Variants in PLCL2 observed in about 807,000 individuals in gnomAD.
PLCL2 encodes inactive phospholipase C-like protein 2.
A neutral mutation model predicts 79.6 loss-of-function variants in PLCL2; 4 were observed. The observed-to-expected ratio is 0.05, with a 90% CI of 0.02 to 0.11. The LOEUF is 0.11. Ranked by LOEUF, PLCL2 falls within the 10% of genes least tolerant of loss-of-function variation. The pLI is 1.00. For synonymous variants in PLCL2, 484 were observed against 457.7 expected (o/e 1.06, Z -0.73); for missense variants, 895 against 1,291.0 (o/e 0.69, Z 4.70).
At chr3:16,979,892 C>T (rs1250582296) in intron 1 of PLCL2, among the ~76,000 whole-genome samples, 3 of 150,826 alleles carry the variant, frequency 2.0e-5, no homozygotes, top group Non-Finnish European at 4.4e-5. Flanking sequence ...CAGAGGGGCT[C>T]CTCACTTCCC....
chr3:16,908,343 A>G (rs1696796208), intron 1 of PLCL2, among the ~76,000 whole-genome samples: 1 of 152,204 alleles, frequency 6.6e-6, no homozygotes, highest in African/African-American at 2.4e-5. Context: ...ATTCCTCAAT[A>G]TCATCAACTA....
intron 1 of PLCL2, among the ~76,000 whole-genome samples, chr3:16,986,269 C>T (rs2064049374): frequency 6.6e-6 from 1 of 152,130 alleles, no homozygotes; most frequent in Non-Finnish European, 1.5e-5. Context: ...GTTGGGTTCA[C>T]ACAAGGTAAT....
chr3:16,990,523 T>C (rs949247360), intron 1 of PLCL2, among the ~76,000 whole-genome samples: 1 of 152,228 alleles, frequency 6.6e-6, no homozygotes, highest in Non-Finnish European at 1.5e-5. Flanking sequence ...GTTTTTACTA[T>C]TTAGGTCCAA....
chr3:16,900,885 A>C (rs2124920565), intron 1 of PLCL2, among the ~76,000 whole-genome samples: 1 of 152,358 alleles, frequency 6.6e-6, no homozygotes, highest in South Asian at 2.1e-4. Flanking sequence ...TAAATTGGGA[A>C]GGTAGCAATT....
intron 3 of PLCL2, among the ~76,000 whole-genome samples, chr3:17,027,793 GC>G (rs1032168726): frequency 1.3e-5 from 2 of 152,118 alleles, no homozygotes; most frequent in Non-Finnish European, 2.9e-5. Flanking sequence ...AAAGCAATGA[GC>G]CTGAATATGG....
intron 3 of PLCL2, among the ~76,000 whole-genome samples, chr3:17,027,136 C>G (rs1652318731): frequency 6.6e-6 from 1 of 152,024 alleles, no homozygotes; most frequent in Non-Finnish European, 1.5e-5. Context: ...TTTTCATGTT[C>G]TTTCCTAAAA....
Position 17,089,924 on chromosome 3 carries a change from A to C in PLCL2, c.*12A>C. 1 of 1,610,760 alleles carries C rather than the reference A, an allele frequency of 6.2e-7. No homozygotes were observed. The highest frequency in any genetic ancestry group is 8.5e-7 in the Non-Finnish European group (1 of 1,178,780). On this transcript the variant is annotated 3_prime_UTR_variant, in exon 6 of 6. Transcript: ENST00000615277. ...AAACTGGAGAATGAGGAAACTTACA[A>C]TAAACCATTATGGAGTTTATAACTC...
At chr3:16,916,143 G>A (rs749220046) in intron 1 of PLCL2, among the ~76,000 whole-genome samples, 10 of 152,160 alleles carry the variant, frequency 6.6e-5, no homozygotes, top group African/African-American at 2.2e-4. Flanking sequence ...GCACCAGCAC[G>A]GTACAGTTGA....
At chr3:16,928,944 G>T (rs1452038668) in intron 1 of PLCL2, among the ~76,000 whole-genome samples, 9 of 9,506 alleles carry the variant, frequency 9.5e-4, no homozygotes, top group South Asian at 5.8e-3. Flanking sequence ...TTGAGAGTGA[G>T]TGGGAAGTGA....
chr3:16,991,204 G>A (rs189607839), intron 1 of PLCL2, among the ~76,000 whole-genome samples: 2 of 152,290 alleles, frequency 1.3e-5, no homozygotes, highest in Admixed American at 6.5e-5. Flanking sequence ...AACAGAGCAG[G>A]GGAGGAGGAG....
intron 3 of PLCL2, among the ~76,000 whole-genome samples, chr3:17,036,441 T>A (rs1417887381): frequency 6.6e-6 from 1 of 152,216 alleles, no homozygotes; most frequent in African/African-American, 2.4e-5. Context: ...ACCTCTGGAT[T>A]TCAGTTGAGA....
chr3:16,934,527 G>A (rs867802880), intron 1 of PLCL2, among the ~76,000 whole-genome samples: 2 of 152,156 alleles, frequency 1.3e-5, no homozygotes, highest in African/African-American at 2.4e-5. Context: ...TGGAATCACC[G>A]TAGCTCTCCA....
chr3:16,935,503 A>G (rs890542432), intron 1 of PLCL2, among the ~76,000 whole-genome samples: 4 of 151,994 alleles, frequency 2.6e-5, no homozygotes, highest in Non-Finnish European at 5.9e-5. Context: ...ATTTATTTTC[A>G]TTTTTTACCT....
chr3:17,045,807 A>G (rs2064774080), intron 4 of PLCL2, among the ~76,000 whole-genome samples: 1 of 152,214 alleles, frequency 6.6e-6, no homozygotes, highest in African/African-American at 2.4e-5. Context: ...TGACCTCAGA[A>G]AGGGAGAAAG....
At chr3:16,966,187 A>T (rs1332511216) in intron 1 of PLCL2, among the ~76,000 whole-genome samples, 1 of 140,026 alleles carries the variant, frequency 7.1e-6, no homozygotes, top group African/African-American at 2.6e-5. Flanking sequence ...TTTGAGATAC[A>T]TCCCATCAAT....
intron 5 of PLCL2, among the ~76,000 whole-genome samples, chr3:17,088,057 G>T (rs548350228): frequency 1.8e-4 from 28 of 152,216 alleles, no homozygotes; most frequent in South Asian, 1.2e-3. Flanking sequence ...GTTAATCTAC[G>T]CAAGGGAACA....
chr3:17,011,810 C>A lies in PLCL2; in HGVS notation c.2464C>A (p.Pro822Thr). 6.2e-7 allele frequency: 1 copy of A among 1,614,212 alleles called. No individual in the cohort carries two copies. Among genetic ancestry groups the A allele is most frequent in the Non-Finnish European group, 8.5e-7 (1 of 1,180,024 alleles). Reference protein sequence around the residue: ...DESFEFQINLPELAMVRFVVL... With the variant: ...DESFEFQINLTELAMVRFVVL... ...AAGCTTTGAATTTCAAATCAACCTG[C>A]CTGAACTGGCCATGGTGCGCTTTGT... The change falls in exon 2 of 6, where the codon CCT becomes ACT. Residue 822 changes from proline to threonine, a missense_variant. By Grantham distance (38) the Pro-to-Thr change is conservative. This residue lies in a region of PLCL2 where 298 missense variants were observed against 459.6 expected (regional missense o/e 0.65). Transcript: ENST00000615277. The surrounding 1 kb of genome is among the most constrained non-coding windows in gnomAD (Gnocchi z 7.9).
intron 1 of PLCL2, among the ~76,000 whole-genome samples, chr3:16,950,621 A>G (rs1390289532): frequency 6.7e-6 from 1 of 149,398 alleles, no homozygotes; most frequent in East Asian, 2.0e-4. Context: ...TTATTCTTCT[A>G]TTGGGAGGCT....
intron 1 of PLCL2, among the ~76,000 whole-genome samples, chr3:16,940,887 T>C (rs1451447681): frequency 6.6e-6 from 1 of 152,240 alleles, no homozygotes; most frequent in Non-Finnish European, 1.5e-5. Context: ...TCATGAGGGA[T>C]GGCTGCTGCT....
Sources: gnomAD v4.1 joint callset for allele counts (sites outside exome capture counted in the v4.1 genomes callset) on GRCh38, gnomAD v4.1.1 for gene constraint, gnomAD v4.1.1 regional missense constraint, Gnocchi (gnomAD v3.1) non-coding constraint, MANE v1.5 for transcripts, NCBI Gene and HGNC (gene_info 2026-07-23, HGNC 2026-07-21) for gene names.